The following AKAP6 variants were observed in gnomAD, a reference collection of about 807,000 sequenced individuals.
The protein encoded by AKAP6 is A-kinase anchoring protein 6.
AKAP6 carries 58 observed loss-of-function variants against 188.5 expected under a neutral mutation model. The ratio of observed to expected loss-of-function variants is 0.31; its 90% CI spans 0.25 to 0.38. AKAP6 has a LOEUF of 0.38. Among genes scored for constraint, AKAP6 ranks in the 10% least tolerant of loss-of-function variants. AKAP6 has a pLI of 1.00. For synonymous variants in AKAP6, 989 were observed against 998.6 expected (o/e 0.99, Z 0.18); for missense variants, 2,710 against 2,740.0 (o/e 0.99, Z 0.24).
At chr14:32,699,294 G>C (rs1566654080) in intron 9 of AKAP6, among the ~76,000 whole-genome samples, 1 of 152,102 alleles carries the variant, frequency 6.6e-6, no homozygotes, top group Admixed American at 6.5e-5. Flanking sequence ...GATATCCTGA[G>C]TACAGCATCT....
At chr14:32,531,751 T>C (rs1346976755) in intron 2 of AKAP6, among the ~76,000 whole-genome samples, 1 of 152,236 alleles carries the variant, frequency 6.6e-6, no homozygotes, top group African/African-American at 2.4e-5. Flanking sequence ...TGTGTAACAT[T>C]TTGAGACTGG....
In AKAP6 at chr14:32,821,859, G is replaced by C; in HGVS notation, c.4046G>C (p.Cys1349Ser). The C allele has an allele frequency of 6.2e-7, 1 of 1,613,844 alleles. No individual in the cohort carries two copies. The highest frequency in any genetic ancestry group is 1.1e-5 in the South Asian group (1 of 91,080). ...GGTGGTTCCAATTTGGTAAAGCCCT[G>C]CGCATGTCATGGAGGAGACATGAGC... Reference protein sequence around the residue: ...LLGGSNLVKPCACHGGDMSQN... With the variant: ...LLGGSNLVKPSACHGGDMSQN... The change falls in exon 13 of 14, where the codon TGC (cysteine) becomes TCC (serine). Residue 1349 changes from cysteine to serine, a missense_variant. By Grantham distance (112) the Cys-to-Ser change is moderately radical. Around this residue, in one of 2 missense-constraint regions of AKAP6, gnomAD observed 2,473 missense variants for 2,426.1 expected, o/e 1.02. Transcript: ENST00000280979.
intron 12 of AKAP6, among the ~76,000 whole-genome samples, chr14:32,816,967 T>C: frequency 6.6e-6 from 1 of 152,278 alleles, no homozygotes; most frequent in East Asian, 1.9e-4. Context: ...AGTTTGACTG[T>C]AACATTCAGT....
At chr14:32,488,840 C>A (rs1879842905) in intron 2 of AKAP6, among the ~76,000 whole-genome samples, 1 of 152,160 alleles carries the variant, frequency 6.6e-6, no homozygotes. Context: ...GTGGGCTACA[C>A]CCACTGTCTA....
At chr14:32,654,175 G>A (rs1422117886) in intron 7 of AKAP6, among the ~76,000 whole-genome samples, 1 of 152,070 alleles carries the variant, frequency 6.6e-6, no homozygotes, top group African/African-American at 2.4e-5. Context: ...TTCAAAAAAT[G>A]TCATACTCAA....
chr14:32,545,221 C>G lies in AKAP6; in HGVS notation c.577-9C>G. The G allele has an allele frequency of 1.2e-6, 2 of 1,607,886 alleles. No individual in the cohort carries two copies. The highest frequency in any genetic ancestry group is 1.7e-6 in the Non-Finnish European group (2 of 1,175,562). On this transcript the variant is annotated splice_polypyrimidine_tract_variant and intron_variant, in intron 3 of 13. Coordinates refer to ENST00000280979, the MANE Select transcript of AKAP6 (RefSeq NM_004274.5). The stretch of plus-strand genomic sequence containing the variant: ...CATTTACTGAAACCATTGCCATTGT[C>G]TGTTTCAGGGCCGGCTTGATTCTCT...
At position 32,472,673 on chromosome 14, in the gene AKAP6, A is replaced by G. The variant is rs182635758; in HGVS notation, c.324+38856A>G. On this transcript the variant is annotated intron_variant, in intron 2 of 13. Coordinates refer to ENST00000280979, the MANE Select transcript of AKAP6 (RefSeq NM_004274.5). Reference sequence around the variant, plus strand: ...ACCAACTGTCTCCTGCAGCTGGGAAAAGACACACAGCCTGGCTGCCAACTG... The same window carrying G: ...ACCAACTGTCTCCTGCAGCTGGGAAGAGACACACAGCCTGGCTGCCAACTG... Among the ~76,000 whole-genome samples, 121 of 152,308 alleles carry G rather than the reference A, an allele frequency of 7.9e-4. 1 individual carries two copies. The highest frequency in any genetic ancestry group is 2.4e-3 in the Admixed American group (37 of 15,306).
intron 12 of AKAP6, among the ~76,000 whole-genome samples, chr14:32,812,244 C>T (rs184256699): frequency 2.6e-5 from 4 of 152,124 alleles, no homozygotes; most frequent in Non-Finnish European, 4.4e-5. Flanking sequence ...GAAGAAAATG[C>T]CACCATTTCA....
intron 7 of AKAP6, among the ~76,000 whole-genome samples, chr14:32,668,049 A>G (rs555616114): frequency 1.3e-5 from 2 of 152,232 alleles, no homozygotes; most frequent in African/African-American, 4.8e-5. Context: ...TTTGCTGTAG[A>G]GGAATTTAGA....
intron 1 of AKAP6, among the ~76,000 whole-genome samples, chr14:32,372,804 G>A (rs1455192416): frequency 7.4e-6 from 1 of 135,810 alleles, no homozygotes; most frequent in East Asian, 2.2e-4. Flanking sequence ...GTGTGTGTGT[G>A]TATTCACATG....
chr14:32,794,393 C>A (rs2033700380), intron 12 of AKAP6, among the ~76,000 whole-genome samples: 2 of 152,216 alleles, frequency 1.3e-5, no homozygotes, highest in South Asian at 4.1e-4. Context: ...AAACTCATCT[C>A]TACTAAAGAT....
At position 32,824,809 on chromosome 14, in the gene AKAP6, C is replaced by T; in HGVS notation, c.*36C>T. ...CTCCCCAAGCATGAAAATCATCTCA[C>T]TGAAAGGTACGTATAGTCCTCATGC... On this transcript the variant is annotated 3_prime_UTR_variant, in exon 13 of 14. Transcript: ENST00000280979. The T allele has an allele frequency of 6.3e-7, 1 of 1,584,482 alleles. No individual in the cohort carries two copies. The highest frequency in any genetic ancestry group is 1.2e-5 in the South Asian group (1 of 84,794).
intron 4 of AKAP6, among the ~76,000 whole-genome samples, chr14:32,573,489 C>A (rs187775945): frequency 2.6e-5 from 4 of 152,170 alleles, no homozygotes; most frequent in Admixed American, 2.6e-4. Context: ...AAGAGTGTCC[C>A]AACTCTTTAT....
intron 2 of AKAP6, among the ~76,000 whole-genome samples, chr14:32,477,117 G>A (rs1375311918): frequency 8.5e-5 from 13 of 152,152 alleles, no homozygotes; most frequent in East Asian, 3.9e-4. Flanking sequence ...AAGAACAGCA[G>A]TCAGAGTTCA....
At chr14:32,721,275 G>A (rs762349922) in intron 9 of AKAP6, among the ~76,000 whole-genome samples, 1 of 152,186 alleles carries the variant, frequency 6.6e-6, no homozygotes, top group Non-Finnish European at 1.5e-5. Context: ...AAGTTTCATA[G>A]CATGGAGGAG....
chr14:32,441,794 A>T (rs1008998146), intron 2 of AKAP6, among the ~76,000 whole-genome samples: 8 of 152,232 alleles, frequency 5.3e-5, no homozygotes, highest in African/African-American at 1.9e-4. Flanking sequence ...TAGCAAAAGT[A>T]GCATGGAAAC....
intron 1 of AKAP6, among the ~76,000 whole-genome samples, chr14:32,352,995 T>C (rs1197273616): frequency 6.6e-6 from 1 of 152,236 alleles, no homozygotes; most frequent in Non-Finnish European, 1.5e-5. Context: ...ACAGCTGTAC[T>C]AATTTACTTT....
rs1211779580 is a variant in AKAP6 at position 32,836,326 on chromosome 14, A to T, written c.*6521A>T. The stretch of plus-strand genomic sequence containing the variant: ...CATTGATGCACCTTACTGCATCCTC[A>T]TCTGGTGGAAGGGGCAGTGAACAAG... On this transcript the variant is annotated 3_prime_UTR_variant, in exon 14 of 14. Transcript: ENST00000280979. 1 of 152,174 alleles carries T rather than the reference A, an allele frequency of 6.6e-6. No individual in the cohort carries two copies. The highest frequency in any genetic ancestry group is 1.9e-4 in the East Asian group (1 of 5,180). 9.4% of individuals were successfully genotyped at this position (152,174 alleles called of 1,614,324 possible).
At chr14:32,510,937 A>C (rs1437855923) in intron 2 of AKAP6, among the ~76,000 whole-genome samples, 3 of 152,126 alleles carry the variant, frequency 2.0e-5, no homozygotes, top group African/African-American at 7.2e-5. Flanking sequence ...CTTTGCACCA[A>C]CCTGAAGGAA....
Sources: allele counts gnomAD v4.1 joint callset (sites outside exome capture counted in the v4.1 genomes callset), GRCh38; gene constraint gnomAD v4.1.1; regional missense constraint gnomAD v4.1.1; transcripts MANE v1.5; gene names NCBI Gene and HGNC (gene_info 2026-07-23, HGNC 2026-07-21).